SLC25A21: variants seen among roughly 807,000 people sequenced by gnomAD.
SLC25A21 encodes the protein solute carrier family 25 member 21.
A neutral mutation model predicts 43.8 loss-of-function variants in SLC25A21; 47 were observed. The observed-to-expected ratio is 1.07, with a 90% CI of 0.85 to 1.37. The LOEUF (loss-of-function observed/expected upper bound fraction) is 1.37, where lower values mean the gene tolerates loss of function less well. Among genes scored for constraint, SLC25A21 ranks in the 40% most tolerant of loss-of-function variants. The pLI is 0.00. For synonymous variants in SLC25A21, 131 were observed against 121.3 expected, an observed-to-expected ratio of 1.08 and a Z score of -0.52; for missense variants, 352 against 350.2, an observed-to-expected ratio of 1.00 and a Z score of -0.04.
At chr14:36,751,742 T>G (rs1019839928) in intron 3 of SLC25A21, among the ~76,000 whole-genome samples, 2 of 152,236 alleles carry the variant, frequency 1.3e-5, no homozygotes, top group African/African-American at 4.8e-5. Flanking sequence ...ACTTCAATTT[T>G]GTCAATTATC....
intron 1 of SLC25A21, among the ~76,000 whole-genome samples, chr14:36,905,108 G>T (rs1891500504): frequency 6.6e-6 from 1 of 152,092 alleles, no homozygotes; most frequent in Admixed American, 6.6e-5. Context: ...TTAGAATTTT[G>T]ATTCCAAAGA....
chr14:36,921,951 C>T (rs950798038), intron 1 of SLC25A21, among the ~76,000 whole-genome samples: 3 of 151,882 alleles, frequency 2.0e-5, no homozygotes, highest in African/African-American at 4.8e-5. Context: ...TCGAGACCAG[C>T]CTGGCCAACA....
intron 1 of SLC25A21, among the ~76,000 whole-genome samples, chr14:36,962,792 T>C (rs369641355): frequency 6.6e-6 from 1 of 152,218 alleles, no homozygotes; most frequent in Non-Finnish European, 1.5e-5. Context: ...AAATACCGTG[T>C]AACCAGCCAT....
At chr14:36,715,222 A>G (rs1368634388) in intron 6 of SLC25A21, among the ~76,000 whole-genome samples, 4 of 152,246 alleles carry the variant, frequency 2.6e-5, no homozygotes, top group Admixed American at 1.3e-4. Flanking sequence ...TCAATTGCCT[A>G]TAAAAATAAG....
At chr14:37,132,684 A>G (rs999124615) in intron 1 of SLC25A21, among the ~76,000 whole-genome samples, 1 of 151,238 alleles carries the variant, frequency 6.6e-6, no homozygotes, top group Non-Finnish European at 1.5e-5. Flanking sequence ...GGCATTTTTC[A>G]GGGTTCTGAA....
chr14:36,771,519 T>C lies in SLC25A21; in HGVS notation c.204-36946A>G, dbSNP rs575979777. On this transcript the variant is annotated intron_variant, in intron 3 of 9. Coordinates refer to ENST00000331299, the MANE Select transcript of SLC25A21 (RefSeq NM_030631.4). Reference sequence around the variant, plus strand: ...CAGTGCCACGGAAGAGATGGGTTCATGGGTGACGCAAGGACTCAGACGCTC... The same window carrying C: ...CAGTGCCACGGAAGAGATGGGTTCACGGGTGACGCAAGGACTCAGACGCTC... Among the ~76,000 whole-genome samples the C allele has an allele frequency of 2.6e-5, 4 of 152,268 alleles. No individual in the cohort carries two copies. The South Asian group carries it at 8.3e-4, about 32-fold the overall frequency.
intron 1 of SLC25A21, among the ~76,000 whole-genome samples, chr14:36,973,968 C>T (rs995715032): frequency 3.9e-5 from 6 of 152,036 alleles, no homozygotes; most frequent in Non-Finnish European, 5.9e-5. Context: ...CAGCTAAGAA[C>T]GGCTATGACT....
At chr14:36,828,994 T>C (rs1017408863) in intron 2 of SLC25A21, among the ~76,000 whole-genome samples, 1 of 152,132 alleles carries the variant, frequency 6.6e-6, no homozygotes, top group Non-Finnish European at 1.5e-5. Context: ...CTCCACCTCA[T>C]GGGCTCAAAC....
At chr14:36,820,388 C>T (rs1415630844) in intron 2 of SLC25A21, among the ~76,000 whole-genome samples, 1 of 152,148 alleles carries the variant, frequency 6.6e-6, no homozygotes, top group African/African-American at 2.4e-5. Flanking sequence ...GCAGGGGATC[C>T]TTACCACCAA....
chr14:37,144,880 G>C (rs1435995271), intron 1 of SLC25A21, among the ~76,000 whole-genome samples: 1 of 152,130 alleles, frequency 6.6e-6, no homozygotes, highest in South Asian at 2.1e-4. Context: ...CGATCAGCCT[G>C]CCTTGGCCTC....
chr14:36,924,208 T>C (rs1473942558), intron 1 of SLC25A21, among the ~76,000 whole-genome samples: 1 of 152,150 alleles, frequency 6.6e-6, no homozygotes, highest in African/African-American at 2.4e-5. Flanking sequence ...ATCATGCTGC[T>C]ATAAAGACAC....
intron 5 of SLC25A21, among the ~76,000 whole-genome samples, chr14:36,729,211 C>T (rs111563900): frequency 4.6e-5 from 7 of 152,182 alleles, no homozygotes; most frequent in African/African-American, 1.7e-4. Flanking sequence ...TAAATACATG[C>T]ATGTCTTGGT....
At chr14:36,816,356 A>T (rs1888454550) in intron 2 of SLC25A21, among the ~76,000 whole-genome samples, 1 of 152,178 alleles carries the variant, frequency 6.6e-6, no homozygotes, top group African/African-American at 2.4e-5. Context: ...ACAGTTAGGA[A>T]GGAGATACAA....
Position 36,739,394 on chromosome 14 carries a change from G to T in SLC25A21, c.204-4821C>A, listed in dbSNP as rs531151879. Among the ~76,000 whole-genome samples the T allele has an allele frequency of 1.2e-4, 19 of 152,126 alleles. No individual in the cohort carries two copies. In the South Asian group the frequency reaches 3.7e-3, roughly 30 times the overall value. ...CTTTTGCCCTTAAGAGGCACACCAGGAGGCTAGGCACAGTAGCTCACACCT... is the reference window on the plus strand; with the variant it reads ...CTTTTGCCCTTAAGAGGCACACCAGTAGGCTAGGCACAGTAGCTCACACCT... On this transcript the variant is annotated intron_variant, in intron 3 of 9. Transcript: ENST00000331299.
At chr14:36,941,025 A>G (rs555097832) in intron 1 of SLC25A21, among the ~76,000 whole-genome samples, 3 of 152,120 alleles carry the variant, frequency 2.0e-5, no homozygotes, top group Non-Finnish European at 2.9e-5. Context: ...AAAAGAAACC[A>G]TCAGAATGGA....
intron 1 of SLC25A21, among the ~76,000 whole-genome samples, chr14:36,920,410 A>G (rs1891948979): frequency 6.6e-6 from 1 of 152,074 alleles, no homozygotes; most frequent in Admixed American, 6.6e-5. Context: ...AATCATGGCA[A>G]GTTAAATATT....
At chr14:37,037,694 T>G (rs1467490) in intron 1 of SLC25A21, among the ~76,000 whole-genome samples, 71,259 of 151,886 alleles carry the variant, frequency 0.47, 19,101 homozygotes, top group African/African-American at 0.75. Context: ...TCTTATTCTT[T>G]ACATATTTCA....
At chr14:37,011,295 C>A (rs1960726828) in intron 1 of SLC25A21, among the ~76,000 whole-genome samples, 1 of 152,150 alleles carries the variant, frequency 6.6e-6, no homozygotes, top group Non-Finnish European at 1.5e-5. Context: ...CAGGCATAAG[C>A]CACCACACCT....
At chr14:36,957,847 C>G (rs7141581) in intron 1 of SLC25A21, among the ~76,000 whole-genome samples, 56,223 of 152,038 alleles carry the variant, frequency 0.37, 10,592 homozygotes, top group South Asian at 0.47. Context: ...TATTTATACG[C>G]AACTTGTTCT....
Sources: allele counts gnomAD v4.1 joint callset (sites outside exome capture counted in the v4.1 genomes callset), GRCh38; gene constraint gnomAD v4.1.1; transcripts MANE v1.5; gene names NCBI Gene and HGNC (gene_info 2026-07-23, HGNC 2026-07-21).